The following NIPSNAP1 variants were observed in gnomAD, a reference collection of about 807,000 sequenced individuals.
NIPSNAP1 encodes nipsnap homolog 1, also known as protein NipSnap homolog 1.
NIPSNAP1 carries 25 observed loss-of-function variants against 49.2 expected under a neutral mutation model. The observed-to-expected ratio is 0.51, with a 90% CI of 0.37 to 0.71. The LOEUF is 0.71. Among genes scored for constraint, NIPSNAP1 ranks in the 30% least tolerant of loss-of-function variants. The pLI is 0.00. For missense variants in NIPSNAP1, 294 were observed against 361.0 expected (o/e 0.81, Z 1.50); for synonymous variants, 143 against 140.7 (o/e 1.02, Z -0.12).
intron 1 of NIPSNAP1, among the ~76,000 whole-genome samples, chr22:29,572,276 C>A (rs950803160): frequency 1.4e-5 from 2 of 141,174 alleles, no homozygotes; most frequent in African/African-American, 5.5e-5. Flanking sequence ...ACACTCCCGC[C>A]TGGGCAACAG....
Position 29,561,774 on chromosome 22 carries a change from G to A in NIPSNAP1, c.438+18C>T. ...CATCCCACATCCAGAGAGGTGTGCT[G>A]AGTGGACACTAACATACCTTATTGT... On this transcript the variant is annotated intron_variant, in intron 5 of 9. Coordinates refer to ENST00000216121, the MANE Select transcript of NIPSNAP1 (RefSeq NM_003634.4). 2.5e-6 allele frequency: 4 copies of A among 1,613,886 alleles called. No homozygotes were observed. Among genetic ancestry groups the A allele is most frequent in the Non-Finnish European group, 3.4e-6 (4 of 1,179,756 alleles).
Position 29,581,093 on chromosome 22 carries a change from C to A in NIPSNAP1, c.-11G>T. 6.5e-7 allele frequency: 1 copy of A among 1,541,090 alleles called. No homozygotes were observed. Among genetic ancestry groups the A allele is most frequent in the Non-Finnish European group, 8.7e-7 (1 of 1,145,994 alleles). ...CAGCCGCGGAGCCATGTTGGAGCCG[C>A]AAAGGTTGCAGGAAGGCCCCGCCCC... On this transcript the variant is annotated 5_prime_UTR_variant, in exon 1 of 10. Transcript: ENST00000216121.
At chr22:29,569,373 C>T (rs2064390522) in intron 3 of NIPSNAP1, 86 bp from the exon 4 acceptor site, 2 of 982,520 alleles carry the variant, frequency 2.0e-6, no homozygotes, top group Non-Finnish European at 1.6e-6. Flanking sequence ...CAAACAGACC[C>T]TGGGGCTGGG....
At chr22:29,558,781 G>A in intron 9 of NIPSNAP1, 89 bp downstream of exon 9, 2 of 972,738 alleles carry the variant, frequency 2.1e-6, no homozygotes, top group South Asian at 1.3e-5. Flanking sequence ...CATCACTGGA[G>A]GTAATCAAGA....
intron 2 of NIPSNAP1, 86 bp from the exon 3 acceptor site, chr22:29,570,293 G>T: frequency 6.2e-7 from 1 of 1,600,830 alleles, no homozygotes; most frequent in African/African-American, 1.3e-5. Context: ...TCAAGGCCAG[G>T]GGTCCCAGGA....
chr22:29,569,182 G>C lies in NIPSNAP1; in HGVS notation c.367+11C>G. On this transcript the variant is annotated intron_variant, in intron 4 of 9. Transcript: ENST00000216121. Reference sequence around the variant, plus strand: ...GCAGTGGCAATGGCACTAGGGAGGTGAGCGCCTTACCTGCCTGGTCCTGCT... The same window carrying C: ...GCAGTGGCAATGGCACTAGGGAGGTCAGCGCCTTACCTGCCTGGTCCTGCT... 6.2e-7 allele frequency: 1 copy of C among 1,612,458 alleles called. No homozygotes were observed. Among genetic ancestry groups the C allele is most frequent in the South Asian group, 1.1e-5 (1 of 90,966 alleles).
chr22:29,555,711 C>A lies in NIPSNAP1; in HGVS notation c.*224G>T. ...TTTCATTCAGGGAAATCAGAAACTA[C>A]TTCTAGCAGGGGGAGGGAGGCAGGC... On this transcript the variant is annotated 3_prime_UTR_variant, in exon 10 of 10. Coordinates refer to ENST00000216121, the MANE Select transcript of NIPSNAP1 (RefSeq NM_003634.4). 1 of 574,056 alleles carries A rather than the reference C, an allele frequency of 1.7e-6. No individual in the cohort carries two copies. The highest frequency in any genetic ancestry group is 3.2e-6 in the Non-Finnish European group (1 of 316,236). 35.6% of individuals were successfully genotyped at this position (574,056 alleles called of 1,614,324 possible).
In NIPSNAP1 at chr22:29,576,521, G is replaced by C. The variant is rs142051967; in HGVS notation, c.98+4464C>G. On this transcript the variant is annotated intron_variant, in intron 1 of 9. Transcript: ENST00000216121. ...TGCTGTATCCCCTATGCTTGGAGCA[G>C]TGCTGGGCACATGGTGAGAATGCAG... Among the ~76,000 whole-genome samples, 402 of 151,632 alleles carry C rather than the reference G, an allele frequency of 2.7e-3. 27 individuals carry two copies. Among genetic ancestry groups the C allele is most frequent in the African/African-American group, 9.5e-3 (390 of 40,882 alleles).
At position 29,561,607 on chromosome 22, in the gene NIPSNAP1, G is replaced by C; in HGVS notation, c.478C>G (p.Leu160Val). 6.2e-7 allele frequency: 1 copy of C among 1,614,066 alleles called. No homozygotes were observed. Among genetic ancestry groups the C allele is most frequent in the South Asian group, 1.1e-5 (1 of 91,086 alleles). Residue 160 changes from leucine (L) to valine (V), a missense_variant, in exon 6 of 10, where the codon CTG becomes GTG. Transcript: ENST00000216121. ...EFRRERSQML[L>V]SRRNQLLLEF... Reference sequence around the variant, plus strand: ...AGGAGCAGCTGGTTTCTCCTGGACAGCAGCATCTGGCTCCGCTCCCTTCGG... The same window carrying C: ...AGGAGCAGCTGGTTTCTCCTGGACACCAGCATCTGGCTCCGCTCCCTTCGG...
chr22:29,563,086 G>A (rs1311304875), intron 4 of NIPSNAP1, among the ~76,000 whole-genome samples: 38 of 146,818 alleles, frequency 2.6e-4, no homozygotes, highest in South Asian at 1.3e-3. Flanking sequence ...ACAACAGAGC[G>A]AGACTCCATC....
In NIPSNAP1 at chr22:29,578,893, C is replaced by A. The variant is rs987442242; in HGVS notation, c.98+2092G>T. Among the ~76,000 whole-genome samples the A allele has an allele frequency of 3.3e-5, 5 of 151,076 alleles. No individual in the cohort carries two copies. The South Asian group carries it at 6.2e-4, about 19-fold the overall frequency. On this transcript the variant is annotated intron_variant, in intron 1 of 9. Coordinates refer to ENST00000216121, the MANE Select transcript of NIPSNAP1 (RefSeq NM_003634.4). ...GGTTTTACCACCAATCCATTCTGTC[C>A]CTTCCCCAATCTTGATATTTTTATC...
chr22:29,569,298 G>C lies in NIPSNAP1; in HGVS notation c.273-11C>G. ...GGCAGCACAGCCTCCCTGTGGGGGA[G>C]GTGCAGAGAGGGGCAGGGTTCACAT... On this transcript the variant is annotated splice_polypyrimidine_tract_variant and intron_variant, in intron 3 of 9. Transcript: ENST00000216121. The C allele has an allele frequency of 6.2e-7, 1 of 1,606,636 alleles. No homozygotes were observed. Among genetic ancestry groups the C allele is most frequent in the Non-Finnish European group, 8.5e-7 (1 of 1,173,528 alleles).
At chr22:29,557,557 A>G (rs1480148456) in intron 9 of NIPSNAP1, among the ~76,000 whole-genome samples, 8 of 152,064 alleles carry the variant, frequency 5.3e-5, no homozygotes, top group Admixed American at 5.2e-4. Flanking sequence ...CCTTCCAAGT[A>G]GCTGGGACTA....
intron 4 of NIPSNAP1, among the ~76,000 whole-genome samples, chr22:29,563,098 T>TAA (rs695281): frequency 5.3e-5 from 7 of 131,310 alleles, no homozygotes; most frequent in African/African-American, 1.2e-4. Context: ...GACTCCATCT[T>TAA]AAAAAAAAAA....
chr22:29,566,495 T>C (rs1046334237), intron 4 of NIPSNAP1, among the ~76,000 whole-genome samples: 8 of 152,054 alleles, frequency 5.3e-5, no homozygotes, highest in Non-Finnish European at 1.2e-4. Context: ...GAACTTTAAA[T>C]TTTATGTAAT....
rs560222823 is a variant in NIPSNAP1, at chr22:29,569,100, T to C, written c.367+93A>G. ...TTAGTAAGAGCCCCACCAGGTGCTG[T>C]TGTGGAGAGGGAGTGGAGAACAGCC... On this transcript the variant is annotated intron_variant, in intron 4 of 9. Coordinates refer to ENST00000216121, the MANE Select transcript of NIPSNAP1 (RefSeq NM_003634.4). 82 of 948,082 alleles carry C rather than the reference T, an allele frequency of 8.6e-5. No homozygotes were observed. In the African/African-American group the frequency reaches 1.2e-3, roughly 14 times the overall value. The allele number at this position is 948,082 out of a possible 1,614,324, so 58.7% of individuals were successfully genotyped here.
chr22:29,572,894 G>A (rs1050823436), intron 1 of NIPSNAP1, among the ~76,000 whole-genome samples: 7 of 151,690 alleles, frequency 4.6e-5, no homozygotes, highest in Non-Finnish European at 8.8e-5. Context: ...TAGGAGGATC[G>A]CATGAAGCCC....
At chr22:29,572,975 C>CAA (rs1012706735) in intron 1 of NIPSNAP1, among the ~76,000 whole-genome samples, 2 of 133,830 alleles carry the variant, frequency 1.5e-5, no homozygotes, top group Non-Finnish European at 3.3e-5. Context: ...GACCATGTCT[C>CAA]AAAAAAAAAA....
At chr22:29,563,048 G>A (rs978846374) in intron 4 of NIPSNAP1, among the ~76,000 whole-genome samples, 5 of 150,258 alleles carry the variant, frequency 3.3e-5, no homozygotes, top group East Asian at 2.0e-4. Context: ...GCAGTGAGCC[G>A]AGATCATGCC....
Sources: allele counts gnomAD v4.1 joint callset (sites outside exome capture counted in the v4.1 genomes callset), GRCh38; gene constraint gnomAD v4.1.1; transcripts MANE v1.5; gene names NCBI Gene and HGNC (gene_info 2026-07-23, HGNC 2026-07-21).